HMGN2: variants seen among roughly 807,000 people sequenced by gnomAD.
The protein encoded by HMGN2 is non-histone chromosomal protein HMG-17.
HMGN2 carries 2 observed loss-of-function variants against 16.9 expected under a neutral mutation model. The observed-to-expected ratio is 0.12, with a 90% CI of 0.05 to 0.37. The LOEUF (loss-of-function observed/expected upper bound fraction) is 0.37. Ranked by LOEUF, HMGN2 falls within the 10% of genes least tolerant of loss-of-function variation. The pLI is 1.00. For synonymous variants in HMGN2, 31 were observed against 34.9 expected (o/e 0.89, Z 0.39); for missense variants, 90 against 106.0 (o/e 0.85, Z 0.66).
rs535032949 is a variant in HMGN2 at position 26,474,802 on chromosome 1, T to A, written c.237+135T>A. 1.7e-5 allele frequency: 11 copies of A among 640,734 alleles called. No homozygotes were observed. The South Asian group carries it at 2.0e-4, about 12-fold the overall frequency. The allele number at this position is 640,734 out of a possible 1,614,324, so 39.7% of individuals were successfully genotyped here. A position where few individuals can be genotyped will look rare whatever the true frequency, so the allele number is the denominator to read the frequency against. Reference sequence around the variant, plus strand: ...GTGTGCTTGTGGCTTTCCTGTTAACTTAAATCCTGGATTCTTGAAATCTCT... The same window carrying A: ...GTGTGCTTGTGGCTTTCCTGTTAACATAAATCCTGGATTCTTGAAATCTCT... On this transcript the variant is annotated intron_variant, in intron 5 of 5. Transcript: ENST00000361427.
At chr1:26,474,006 A>G in intron 3 of HMGN2, 79 bp from the exon 4 acceptor site, 1 of 1,179,464 alleles carries the variant, frequency 8.5e-7, no homozygotes, top group Non-Finnish European at 1.2e-6. Context: ...TACCCTTGGT[A>G]CTTTTGGTTG....
rs41285441 is a variant in HMGN2 at position 26,473,444 on chromosome 1, A to T, written c.16-39A>T. The T allele has an allele frequency of 2.0e-3, 2,965 of 1,485,048 alleles. 3 individuals carry two copies. The highest frequency in any genetic ancestry group is 2.6e-3 in the Non-Finnish European group (2,796 of 1,063,932). The allele number at this position is 1,485,048 out of a possible 1,614,324, so 92.0% of individuals were successfully genotyped here. A position where few individuals can be genotyped will look rare whatever the true frequency, so the allele number is the denominator to read the frequency against. On this transcript the variant is annotated intron_variant, in intron 1 of 5. Coordinates refer to ENST00000361427, the MANE Select transcript of HMGN2 (RefSeq NM_005517.4). ...AAAGTTTGGGAAGTAATTAAGAACC[A>T]CCTCAAAATCTGCAGTTTTTTGTTC...
At chr1:26,474,850 G>C (rs1570379383) in intron 5 of HMGN2, 183 bp downstream of exon 5, 2 of 616,474 alleles carry the variant, frequency 3.2e-6, no homozygotes, top group East Asian at 5.4e-5. Context: ...AGGGCATTGT[G>C]TTTTATACTA....
At position 26,475,771 on chromosome 1, in the gene HMGN2, T is replaced by C; in HGVS notation, c.*623T>C. 2.9e-6 allele frequency: 1 copy of C among 341,854 alleles called. No homozygotes were observed. The allele number at this position is 341,854 out of a possible 1,614,324, so 21.2% of individuals were successfully genotyped here. A position where few individuals can be genotyped will look rare whatever the true frequency, so the allele number is the denominator to read the frequency against. On this transcript the variant is annotated 3_prime_UTR_variant, in exon 6 of 6. Transcript: ENST00000361427. ...CTAAATGTGAAATGTCAACCCTCAC[T>C]CTAAACTTTCCCTGTTCAGAGCATC... is the stretch of plus-strand genomic sequence containing the variant.
At chr1:26,473,170 A>C in intron 1 of HMGN2, 1 of 354,960 alleles carries the variant, frequency 2.8e-6, no homozygotes. Flanking sequence ...CGGCTGCCAT[A>C]GCAACGGCGC....
chr1:26,473,415 C>G, intron 1 of HMGN2, 68 bp from the exon 2 acceptor site: 5 of 1,142,670 alleles, frequency 4.4e-6, no homozygotes, highest in South Asian at 1.2e-5. Flanking sequence ...ATTTTTAGCA[C>G]TCTAAAGTTT....
intron 1 of HMGN2, chr1:26,473,261 G>A: frequency 5.3e-6 from 3 of 565,946 alleles, no homozygotes; most frequent in Non-Finnish European, 3.1e-6. Context: ...GGGCTCCGCT[G>A]CCCTCCCCGG....
In HMGN2 at chr1:26,476,055, A is replaced by C; in HGVS notation, c.*907A>C. 1 of 225,200 alleles carries C rather than the reference A, an allele frequency of 4.4e-6. No individual in the cohort carries two copies. The highest frequency in any genetic ancestry group is 8.9e-6 in the Non-Finnish European group (1 of 111,866). The allele number at this position is 225,200 out of a possible 1,614,324, so 14.0% of individuals were successfully genotyped here. On this transcript the variant is annotated 3_prime_UTR_variant, in exon 6 of 6. Coordinates refer to ENST00000361427, the MANE Select transcript of HMGN2 (RefSeq NM_005517.4). Reference sequence around the variant, plus strand: ...AACAGGGTACGTTCTGCTTTGAGGTACTCCATGTACAGTCTAATGATGATC... The same window carrying C: ...AACAGGGTACGTTCTGCTTTGAGGTCCTCCATGTACAGTCTAATGATGATC...
At chr1:26,473,959 AACC>A in intron 3 of HMGN2, 123 bp from the exon 4 acceptor site, 5 of 862,044 alleles carry the variant, frequency 5.8e-6, no homozygotes, top group Non-Finnish European at 9.1e-6. Context: ...GAAGAAAGCC[AACC>A]ACAAAAACTT....
rs2075591521 is a variant in HMGN2, at chr1:26,473,840, T to C, written c.90+108T>C. The C allele has an allele frequency of 1.3e-5, 15 of 1,146,434 alleles. 1 individual carries two copies. The South Asian group carries it at 1.9e-4, about 14-fold the overall frequency. The allele number at this position is 1,146,434 out of a possible 1,614,324, so 71.0% of individuals were successfully genotyped here. A position where few individuals can be genotyped will look rare whatever the true frequency, so the allele number is the denominator to read the frequency against. ...ATGGTTAGTGCCTGGTTTTGAATCATTGCCTCTACTTGGGACTCTTGCCCC... is the reference window on the plus strand; with the variant it reads ...ATGGTTAGTGCCTGGTTTTGAATCACTGCCTCTACTTGGGACTCTTGCCCC... On this transcript the variant is annotated intron_variant, in intron 3 of 5. Coordinates refer to ENST00000361427, the MANE Select transcript of HMGN2 (RefSeq NM_005517.4).
chr1:26,473,109 C>T (rs2124569097), intron 1 of HMGN2: 1 of 259,828 alleles, frequency 3.8e-6, no homozygotes, highest in East Asian at 1.1e-4. Flanking sequence ...CGCGCGCTGT[C>T]GCCGCCCACG....
rs771089729 is a variant in HMGN2 at position 26,474,662 on chromosome 1, G to C, written c.232G>C (p.Asp78His). 1.3e-6 allele frequency: 2 copies of C among 1,490,368 alleles called. No homozygotes were observed. The highest frequency in any genetic ancestry group is 1.7e-5 in the Admixed American group (1 of 59,220). The allele number at this position is 1,490,368 out of a possible 1,614,324, so 92.3% of individuals were successfully genotyped here. ...NPAENGDAKT[D>H]QAQKAEGAGD... ...TGCAGAAAATGGAGATGCCAAAACA[G>C]ACCAGGTATAACTGCTGTTTCACCC... is the stretch of plus-strand genomic sequence containing the variant. The change falls in exon 5 of 6, where the codon GAC becomes CAC. Residue 78 changes from aspartate (D) to histidine (H), a missense_variant. Asp to His is a moderately conservative substitution (Grantham distance 81). Transcript: ENST00000361427.
At chr1:26,473,938 C>A in intron 3 of HMGN2, 147 bp from the exon 4 acceptor site, 1 of 802,248 alleles carries the variant, frequency 1.2e-6, no homozygotes, top group Non-Finnish European at 2.0e-6. Context: ...TTCTGGAAAT[C>A]CAACATTCTA....
intron 1 of HMGN2, 182 bp from the exon 2 acceptor site, chr1:26,473,301 G>GT: frequency 5.5e-5 from 33 of 600,068 alleles, no homozygotes; most frequent in Non-Finnish European, 8.2e-5. Context: ...TCGCTTCTCG[G>GT]GGTCGGCGAG....
At chr1:26,473,615 T>TA (rs1381883270) in intron 2 of HMGN2, 88 bp downstream of exon 2, 1 of 1,552,512 alleles carries the variant, frequency 6.4e-7, no homozygotes, top group Non-Finnish European at 8.9e-7. Context: ...GTCCTGAATT[T>TA]ACACTCCTAT....
Position 26,476,121 on chromosome 1 carries a change from A to AG in HMGN2, c.*975dup, listed in dbSNP as rs1237845367. ...GTCAGCTTCCAAAACACACAGTGCT[A>AG]GGTGCAGTTAGGAAGGATTCCAGGA... On this transcript the variant is annotated 3_prime_UTR_variant, in exon 6 of 6. Coordinates refer to ENST00000361427, the MANE Select transcript of HMGN2 (RefSeq NM_005517.4). The AG allele has an allele frequency of 6.3e-6, 1 of 159,698 alleles. No individual in the cohort carries two copies. Among genetic ancestry groups the AG allele is most frequent in the Non-Finnish European group, 1.4e-5 (1 of 72,914 alleles). 9.9% of individuals were successfully genotyped at this position (159,698 alleles called of 1,614,324 possible).
Position 26,475,288 on chromosome 1 carries a change from C to T in HMGN2, c.*140C>T. 1.8e-6 allele frequency: 1 copy of T among 562,668 alleles called. No homozygotes were observed. The highest frequency in any genetic ancestry group is 3.1e-6 in the Non-Finnish European group (1 of 319,654). The allele number at this position is 562,668 out of a possible 1,614,324, so 34.9% of individuals were successfully genotyped here. On this transcript the variant is annotated 3_prime_UTR_variant, in exon 6 of 6. Coordinates refer to ENST00000361427, the MANE Select transcript of HMGN2 (RefSeq NM_005517.4). Reference sequence around the variant, plus strand: ...AAAGCTATGTTGTTAGCACACAGAACACTTCATTGTTGTTTTTGGGGGAAG... The same window carrying T: ...AAAGCTATGTTGTTAGCACACAGAATACTTCATTGTTGTTTTTGGGGGAAG...
At chr1:26,473,035 C>T (rs1033098905) in intron 1 of HMGN2, among the ~76,000 whole-genome samples, 5 of 302 alleles carry the variant, frequency 0.017, no homozygotes, top group African/African-American at 0.023. Context: ...AAAACCGCCG[C>T]CGTGAGGGGC....
In HMGN2 at chr1:26,473,744, C is replaced by T. The variant is rs748921043; in HGVS notation, c.90+12C>T. 38 of 1,613,184 alleles carry T rather than the reference C, an allele frequency of 2.4e-5. No individual in the cohort carries two copies. In the East Asian group the frequency reaches 6.0e-4, roughly 26 times the overall value. ...CGAGGTTGTCTGCTGTAAGTGTATG[C>T]TTTTGAATTTTCGTGCTTGTCCCTG... On this transcript the variant is annotated intron_variant, in intron 3 of 5. Coordinates refer to ENST00000361427, the MANE Select transcript of HMGN2 (RefSeq NM_005517.4).
Sources: allele counts gnomAD v4.1 joint callset (sites outside exome capture counted in the v4.1 genomes callset), GRCh38; gene constraint gnomAD v4.1.1; transcripts MANE v1.5; gene names NCBI Gene and HGNC (gene_info 2026-07-23, HGNC 2026-07-21).